GALNT18: variants seen among roughly 807,000 people sequenced by gnomAD.
GALNT18 encodes GalNAc-transferase 18.
In GALNT18, 44 loss-of-function variants were observed where a neutral mutation model predicts 69.5. The observed-to-expected ratio is 0.63, with a 90% CI of 0.50 to 0.81. The LOEUF is 0.81. Among genes scored for constraint, GALNT18 ranks in the 40% least tolerant of loss-of-function variants. The pLI is 0.00. For synonymous variants in GALNT18, 364 were observed against 318.2 expected (o/e 1.14, Z -1.53); for missense variants, 715 against 810.0 (o/e 0.88, Z 1.42).
intron 7 of GALNT18, among the ~76,000 whole-genome samples, chr11:11,334,163 C>T (rs762186751): frequency 2.6e-5 from 4 of 152,162 alleles, no homozygotes; most frequent in Non-Finnish European, 5.9e-5. Flanking sequence ...TCTAAAATAT[C>T]TGAGAAAGAT....
intron 6 of GALNT18, among the ~76,000 whole-genome samples, chr11:11,343,072 G>A (rs1034754907): frequency 7.2e-5 from 11 of 152,272 alleles, no homozygotes; most frequent in East Asian, 3.9e-4. Flanking sequence ...TGCCAGTTGC[G>A]GTGGCTCACG....
At position 11,542,773 on chromosome 11, in the gene GALNT18, A is replaced by G. The variant is rs1052769513; in HGVS notation, c.235+78586T>C. ...TTATAGTCTAAGAGCCCCTTTCTTC[A>G]TTATTTCTGATCGATCTGCTTTTGA... On this transcript the variant is annotated intron_variant, in intron 1 of 10. Transcript: ENST00000227756. This position sits in a 1 kb window ranked among gnomAD's most constrained non-coding sequence, Gnocchi z 4.3. 6.6e-6 allele frequency among the ~76,000 whole-genome samples: 1 copy of G among 152,168 alleles called. No homozygotes were observed. Among genetic ancestry groups the G allele is most frequent in the Non-Finnish European group, 1.5e-5 (1 of 68,032 alleles).
At chr11:11,349,565 T>C (rs1281141215) in intron 6 of GALNT18, among the ~76,000 whole-genome samples, 2 of 152,230 alleles carry the variant, frequency 1.3e-5, no homozygotes, top group Non-Finnish European at 2.9e-5. Flanking sequence ...GGTTTTTTGT[T>C]GTTTATGTGC....
chr11:11,602,495 G>A lies in GALNT18; in HGVS notation c.235+18864C>T, dbSNP rs147965969. Among the ~76,000 whole-genome samples the A allele has an allele frequency of 3.9e-5, 6 of 152,190 alleles. No individual in the cohort carries two copies. The highest frequency in any genetic ancestry group is 7.3e-5 in the Non-Finnish European group (5 of 68,040). On this transcript the variant is annotated intron_variant, in intron 1 of 10. Transcript: ENST00000227756. This position sits in a 1 kb window ranked among gnomAD's most constrained non-coding sequence, Gnocchi z 4.7. The stretch of plus-strand genomic sequence containing the variant: ...TTCTTGTCCATATCTGTCCAGAGGA[G>A]AGCTTCTGTTTTATTGAGCTGGAAT...
chr11:11,364,682 A>G (rs1404988685), intron 6 of GALNT18, among the ~76,000 whole-genome samples: 1 of 152,248 alleles, frequency 6.6e-6, no homozygotes, highest in Non-Finnish European at 1.5e-5. Context: ...AGAATTAGAA[A>G]AATGTGTATA....
At chr11:11,576,050 G>A (rs1204828335) in intron 1 of GALNT18, among the ~76,000 whole-genome samples, 1 of 152,222 alleles carries the variant, frequency 6.6e-6, no homozygotes, top group Non-Finnish European at 1.5e-5. Context: ...GAAAGAGACA[G>A]AGCCAGGGTT....
chr11:11,621,390 G>A lies in GALNT18; in HGVS notation c.204C>T (p.His68=), dbSNP rs1348897396. 1.9e-6 allele frequency: 3 copies of A among 1,614,068 alleles called. No homozygotes were observed. In the South Asian group the frequency reaches 3.3e-5, roughly 18 times the overall value. The change falls in exon 1 of 11, where the codon CAC becomes CAT. Residue 68 remains histidine, a synonymous_variant. Coordinates refer to ENST00000227756, the MANE Select transcript of GALNT18 (RefSeq NM_198516.3). This position sits in a 1 kb window ranked among gnomAD's most constrained non-coding sequence, Gnocchi z 9.3. ...DTLKIIERLD[H]LENVIKQHIQ... is the part of the protein sequence containing the mutation. The stretch of plus-strand genomic sequence containing the variant: ...TGTGCTGCTTGATGACATTCTCCAG[G>A]TGGTCCAGCCGCTCAATAATCTTCA...
rs1294728262 is a variant in GALNT18 at position 11,587,828 on chromosome 11, C to T, written c.235+33531G>A. The stretch of plus-strand genomic sequence containing the variant: ...CCCCACCCTTTCATTTCATGAACCT[C>T]TTCTATGGTCCAAAGAATAATAAGA... On this transcript the variant is annotated intron_variant, in intron 1 of 10. Coordinates refer to ENST00000227756, the MANE Select transcript of GALNT18 (RefSeq NM_198516.3). The surrounding 1 kb of genome is among the most constrained non-coding windows in gnomAD (Gnocchi z 4.4). Among the ~76,000 whole-genome samples the T allele has an allele frequency of 6.6e-6, 1 of 152,114 alleles. No individual in the cohort carries two copies. The highest frequency in any genetic ancestry group is 1.5e-5 in the Non-Finnish European group (1 of 68,040).
In GALNT18 at chr11:11,615,894, T is replaced by C. The variant is rs190615232; in HGVS notation, c.235+5465A>G. Among the ~76,000 whole-genome samples, 285 of 152,328 alleles carry C rather than the reference T, an allele frequency of 1.9e-3. 1 individual carries two copies. The highest frequency in any genetic ancestry group is 6.6e-3 in the African/African-American group (273 of 41,566). Reference sequence around the variant, plus strand: ...ACTGCCCTAAGGCATCTATGTAAAATTAAAATTATGTATGTAACATATAAT... The same window carrying C: ...ACTGCCCTAAGGCATCTATGTAAAACTAAAATTATGTATGTAACATATAAT... On this transcript the variant is annotated intron_variant, in intron 1 of 10. Coordinates refer to ENST00000227756, the MANE Select transcript of GALNT18 (RefSeq NM_198516.3).
At position 11,406,598 on chromosome 11, in the gene GALNT18, A is replaced by G. The variant is rs538536652; in HGVS notation, c.595+26023T>C. Among the ~76,000 whole-genome samples the G allele has an allele frequency of 3.9e-5, 6 of 152,342 alleles. No individual in the cohort carries two copies. The South Asian group carries it at 1.2e-3, about 32-fold the overall frequency. ...AGGGATGGTTCCCAGTTGCCATTGC[A>G]GTACAATAAAGGCAAAGTTGAACAC... On this transcript the variant is annotated intron_variant, in intron 3 of 10. Transcript: ENST00000227756.
In GALNT18 at chr11:11,443,328, A is replaced by G. The variant is rs1855573680; in HGVS notation, c.428+5416T>C. 2.6e-5 allele frequency among the ~76,000 whole-genome samples: 4 copies of G among 152,114 alleles called. No individual in the cohort carries two copies. In the South Asian group the frequency reaches 8.3e-4, roughly 32 times the overall value. On this transcript the variant is annotated intron_variant, in intron 2 of 10. Coordinates refer to ENST00000227756, the MANE Select transcript of GALNT18 (RefSeq NM_198516.3). ...CTCCTACCTCTCCACCCCTTGGGCA[A>G]AGGACTTCTTCAGTCGCTTTCTCAC...
rs977104228 is a variant in GALNT18, at chr11:11,459,979, T to C, written c.236-11043A>G. On this transcript the variant is annotated intron_variant, in intron 1 of 10. Coordinates refer to ENST00000227756, the MANE Select transcript of GALNT18 (RefSeq NM_198516.3). This position sits in a 1 kb window ranked among gnomAD's most constrained non-coding sequence, Gnocchi z 5.0. ...CAGAGGCTGCCTGCATTCCTTGGCT[T>C]ATGGCCTCTTCCTCCGTCTTCAAAG... Among the ~76,000 whole-genome samples, 1 of 152,158 alleles carries C rather than the reference T, an allele frequency of 6.6e-6. No individual in the cohort carries two copies. Among genetic ancestry groups the C allele is most frequent in the East Asian group, 1.9e-4 (1 of 5,180 alleles).
chr11:11,549,104 G>T (rs1052754932), intron 1 of GALNT18, among the ~76,000 whole-genome samples: 2 of 152,222 alleles, frequency 1.3e-5, no homozygotes, highest in Admixed American at 1.3e-4. Flanking sequence ...TCCTTAAAGA[G>T]AAGGGATATA....
chr11:11,544,116 G>A (rs537781288), intron 1 of GALNT18, among the ~76,000 whole-genome samples: 15 of 152,344 alleles, frequency 9.8e-5, no homozygotes, highest in Non-Finnish European at 1.2e-4. Flanking sequence ...CAGGACCCCT[G>A]GATGCCATAG....
intron 9 of GALNT18, among the ~76,000 whole-genome samples, chr11:11,316,161 C>G (rs1250848337): frequency 6.6e-6 from 1 of 152,188 alleles, no homozygotes; most frequent in African/African-American, 2.4e-5. Context: ...CATTCACTAG[C>G]AGACACCTGA....
chr11:11,539,784 C>A (rs534420282), intron 1 of GALNT18, among the ~76,000 whole-genome samples: 2 of 152,214 alleles, frequency 1.3e-5, no homozygotes, highest in South Asian at 4.2e-4. Context: ...TCTTAGAAAG[C>A]AAAGGAAAAC....
intron 3 of GALNT18, among the ~76,000 whole-genome samples, chr11:11,427,226 C>A (rs548627145): frequency 6.6e-6 from 1 of 152,334 alleles, no homozygotes; most frequent in Non-Finnish European, 1.5e-5. Context: ...GATTCAGGCT[C>A]CTACATAACG....
At chr11:11,335,032 C>T (rs1033000374) in intron 7 of GALNT18, among the ~76,000 whole-genome samples, 1 of 152,232 alleles carries the variant, frequency 6.6e-6, no homozygotes, top group African/African-American at 2.4e-5. Context: ...CATTCCTTCT[C>T]CCTTCATGTT....
At chr11:11,609,208 G>A (rs1356136004) in intron 1 of GALNT18, among the ~76,000 whole-genome samples, 5 of 152,166 alleles carry the variant, frequency 3.3e-5, no homozygotes, top group Non-Finnish European at 7.3e-5. Flanking sequence ...TCCTTCCAGA[G>A]CATTCCATCT....
Sources: gnomAD v4.1 joint callset for allele counts (sites outside exome capture counted in the v4.1 genomes callset) on GRCh38, gnomAD v4.1.1 for gene constraint, Gnocchi (gnomAD v3.1) non-coding constraint, MANE v1.5 for transcripts, NCBI Gene and HGNC (gene_info 2026-07-23, HGNC 2026-07-21) for gene names.